Variants in SNRNP35 observed in about 807,000 individuals in gnomAD.
SNRNP35 encodes the protein small nuclear ribonucleoprotein U11/U12 subunit 35.
Under a neutral mutation model 24.3 loss-of-function variants are expected in SNRNP35, and 16 were observed. The observed-to-expected ratio is 0.66, with a 90% CI of 0.45 to 1.00. The LOEUF is 1.00. SNRNP35 is among the 50% of genes least tolerant of loss of function. The pLI, the probability that SNRNP35 is intolerant of heterozygous loss-of-function variation, is 0.00. For missense variants in SNRNP35, 292 were observed against 327.2 expected, an observed-to-expected ratio of 0.89 and a Z score of 0.83; for synonymous variants, 106 against 124.8, an observed-to-expected ratio of 0.85 and a Z score of 1.00.
Position 123,465,401 on chromosome 12 carries a change from G to C in SNRNP35, c.-3-137G>C, listed in dbSNP as rs576885555. 4.8e-6 allele frequency: 5 copies of C among 1,050,578 alleles called. No individual in the cohort carries two copies. The African/African-American group carries it at 8.0e-5, about 17-fold the overall frequency. The allele number at this position is 1,050,578 out of a possible 1,614,324, so 65.1% of individuals were successfully genotyped here. A position where few individuals can be genotyped will look rare whatever the true frequency, so the allele number is the denominator to read the frequency against. ...CCCACTTACTAGCAGGGAGGACTTA[G>C]CCTCTGTGGGTGTTCCCTTCCTTTC... On this transcript the variant is annotated intron_variant, in intron 1 of 1. Transcript: ENST00000526639. This position sits in a 1 kb window ranked among gnomAD's most constrained non-coding sequence, Gnocchi z 4.2.
rs759503354 is a variant in SNRNP35, at chr12:123,466,328, G to C, written c.*47G>C. 2 of 1,495,108 alleles carry C rather than the reference G, an allele frequency of 1.3e-6. No individual in the cohort carries two copies. The highest frequency in any genetic ancestry group is 2.8e-5 in the South Asian group (2 of 70,490). 92.6% of individuals were successfully genotyped at this position (1,495,108 alleles called of 1,614,324 possible). ...AAGTGAAGTTACAGTGGAAATGAGT[G>C]GAGGGGGATTGTCTTTCAACGCAGC... On this transcript the variant is annotated 3_prime_UTR_variant, in exon 2 of 2. Coordinates refer to ENST00000526639, the MANE Select transcript of SNRNP35 (RefSeq NM_022717.4).
downstream of SNRNP35, chr12:123,471,750 T>C (rs1881202071): frequency 6.6e-6 from 1 of 152,506 alleles, no homozygotes; most frequent in Non-Finnish European, 1.5e-5. Context: ...GGACTAAGTA[T>C]ATGACTTAAT....
Position 123,465,389 on chromosome 12 carries a change from A to G in SNRNP35, c.-3-149A>G. ...GGTGCTGTCTCCCCCACTTACTAGCAGGGAGGACTTAGCCTCTGTGGGTGT... is the reference window on the plus strand; with the variant it reads ...GGTGCTGTCTCCCCCACTTACTAGCGGGGAGGACTTAGCCTCTGTGGGTGT... On this transcript the variant is annotated intron_variant, in intron 1 of 1. Coordinates refer to ENST00000526639, the MANE Select transcript of SNRNP35 (RefSeq NM_022717.4). This position sits in a 1 kb window ranked among gnomAD's most constrained non-coding sequence, Gnocchi z 4.2. The G allele has an allele frequency of 1.1e-6, 1 of 895,920 alleles. No individual in the cohort carries two copies. The highest frequency in any genetic ancestry group is 2.3e-5 in the South Asian group (1 of 43,338). The allele number at this position is 895,920 out of a possible 1,614,324, so 55.5% of individuals were successfully genotyped here. A position where few individuals can be genotyped will look rare whatever the true frequency, so the allele number is the denominator to read the frequency against.
downstream of SNRNP35, among the ~76,000 whole-genome samples, chr12:123,469,141 G>A (rs1326311406): frequency 6.6e-6 from 1 of 151,586 alleles, no homozygotes; most frequent in African/African-American, 2.4e-5. Flanking sequence ...GTCATCCGTG[G>A]TTGAGAGCCA....
chr12:123,458,567 T>G (rs1227870686), intron 1 of SNRNP35, among the ~76,000 whole-genome samples: 1 of 151,596 alleles, frequency 6.6e-6, no homozygotes, highest in African/African-American at 2.4e-5. Flanking sequence ...GCCTTCAGTT[T>G]TGCTTTTCAC....
exon 2 of SNRNP35, chr12:123,472,638 T>C (rs768965639): frequency 6.3e-7 from 1 of 1,596,608 alleles, no homozygotes; most frequent in East Asian, 2.3e-5. Context: ...CACGTTTCTC[T>C]GTGTGTTGGC....
At chr12:123,472,569 T>G in exon 2 of SNRNP35, 1 of 1,553,756 alleles carries the variant, frequency 6.4e-7, no homozygotes, top group Non-Finnish European at 8.7e-7. Context: ...CTGTCCTTGC[T>G]CTGTGTAACC....
intron 1 of SNRNP35, among the ~76,000 whole-genome samples, chr12:123,462,133 G>A (rs746230042): frequency 2.6e-5 from 4 of 152,170 alleles, no homozygotes; most frequent in Non-Finnish European, 5.9e-5. Context: ...GGCAAAACAT[G>A]ATCAGGACTT....
At chr12:123,462,582 C>G (rs578013764) in intron 1 of SNRNP35, among the ~76,000 whole-genome samples, 1 of 150,482 alleles carries the variant, frequency 6.6e-6, no homozygotes, top group South Asian at 2.1e-4. Flanking sequence ...TCTCGGCTCA[C>G]TGCAACCTTC....
At position 123,472,617 on chromosome 12, in the gene SNRNP35, T is replaced by G. The variant is rs558610701; in HGVS notation, n.1624T>G. ...GGTGTTTGCCCACTGTCCAAAGGAC[T>G]CCTGGATGTGCACGTTTCTCTGTGT... On this transcript the variant is annotated non_coding_transcript_exon_variant, in exon 2 of 2. Coordinates refer to the SNRNP35 transcript ENST00000527158. 53 of 1,586,692 alleles carry G rather than the reference T, an allele frequency of 3.3e-5. No homozygotes were observed. The East Asian group carries it at 1.2e-3, about 35-fold the overall frequency.
intron 1 of SNRNP35, among the ~76,000 whole-genome samples, chr12:123,463,056 TTTTTTG>T (rs1302668554): frequency 1.3e-5 from 2 of 151,614 alleles, no homozygotes; most frequent in African/African-American, 4.9e-5. Flanking sequence ...AGAAACCTGG[TTTTTTG>T]TTTTTGTTTT....
exon 2 of SNRNP35, chr12:123,472,166 CAT>C (rs750659390): frequency 4.5e-6 from 1 of 223,306 alleles, no homozygotes; most frequent in African/African-American, 2.2e-5. Context: ...AACCTCTACA[CAT>C]AGCATTTTAT....
intron 1 of SNRNP35, among the ~76,000 whole-genome samples, chr12:123,462,244 G>A (rs183721055): frequency 2.2e-4 from 33 of 152,310 alleles, no homozygotes; most frequent in African/African-American, 7.7e-4. Flanking sequence ...AAGTGGATAT[G>A]AGGGAGATAG....
chr12:123,468,617 G>A (rs1340457295), downstream of SNRNP35, among the ~76,000 whole-genome samples: 2 of 152,098 alleles, frequency 1.3e-5, no homozygotes, highest in Non-Finnish European at 2.9e-5. Flanking sequence ...TCGAGCCCGG[G>A]AAGCAGAGGT....
chr12:123,460,420 A>G (rs918732298), intron 1 of SNRNP35, among the ~76,000 whole-genome samples: 2 of 151,908 alleles, frequency 1.3e-5, no homozygotes, highest in Non-Finnish European at 2.9e-5. Flanking sequence ...TGAAAAGGCA[A>G]TAATAATATA....
downstream of SNRNP35, among the ~76,000 whole-genome samples, chr12:123,468,358 CAAAAA>C (rs62816460): frequency 7.6e-5 from 7 of 92,262 alleles, no homozygotes; most frequent in African/African-American, 3.4e-4. Context: ...GACTCTGTCT[CAAAAA>C]AAAAAAAAAA....
Position 123,465,660 on chromosome 12 carries a change from C to A in SNRNP35, c.120C>A (p.Val40=). The change falls in exon 2 of 2, where the codon GTC becomes GTA. Residue 40 remains valine, a synonymous_variant. Transcript: ENST00000526639. This position sits in a 1 kb window ranked among gnomAD's most constrained non-coding sequence, Gnocchi z 4.2. ...GGAGGGCAATGCTGGCACGATATGTCCCCAACAAAGGTGTCATAGGAGATC... is the reference window on the plus strand; with the variant it reads ...GGAGGGCAATGCTGGCACGATATGTACCCAACAAAGGTGTCATAGGAGATC... The part of the protein sequence containing the change: ...AVWRAMLARY[V]PNKGVIGDPL... The A allele has an allele frequency of 6.2e-7, 1 of 1,613,894 alleles. No individual in the cohort carries two copies. Among genetic ancestry groups the A allele is most frequent in the South Asian group, 1.1e-5 (1 of 91,052 alleles).
At chr12:123,460,643 T>G (rs1404336272) in intron 1 of SNRNP35, among the ~76,000 whole-genome samples, 2 of 133,456 alleles carry the variant, frequency 1.5e-5, no homozygotes. Flanking sequence ...TGGTGGCGCA[T>G]AGTGAGTAAT....
downstream of SNRNP35, among the ~76,000 whole-genome samples, chr12:123,468,608 C>T (rs370711516): frequency 1.1e-4 from 16 of 151,706 alleles, no homozygotes; most frequent in African/African-American, 3.4e-4. Flanking sequence ...GAGAATTGCT[C>T]GAGCCCGGGA....
Sources: gnomAD v4.1 joint callset for allele counts (sites outside exome capture counted in the v4.1 genomes callset) on GRCh38, gnomAD v4.1.1 for gene constraint, Gnocchi (gnomAD v3.1) non-coding constraint, MANE v1.5 for transcripts, NCBI Gene and HGNC (gene_info 2026-07-23, HGNC 2026-07-21) for gene names.